ANO10: variants seen among roughly 807,000 people sequenced by gnomAD.
ANO10 encodes anoctamin 10.
A neutral mutation model predicts 74.7 loss-of-function variants in ANO10; 77 were observed. That is an observed-to-expected ratio of 1.03 (90% CI 0.86 to 1.25). ANO10 has a LOEUF of 1.25. Ranked by LOEUF, ANO10 falls within the 50% of genes most tolerant of loss-of-function variation. The pLI, the probability that ANO10 is intolerant of heterozygous loss-of-function variation, is 0.00. For synonymous variants in ANO10, 279 were observed against 284.9 expected, an observed-to-expected ratio of 0.98 and a Z score of 0.21; for missense variants, 721 against 778.1, an observed-to-expected ratio of 0.93 and a Z score of 0.87.
At chr3:43,401,192 A>C (rs2148869948) in intron 12 of ANO10, among the ~76,000 whole-genome samples, 1 of 152,266 alleles carries the variant, frequency 6.6e-6, no homozygotes, top group South Asian at 2.1e-4. Context: ...TTCCTAAGTA[A>C]GACAGAATGG....
At chr3:43,668,439 A>AT (rs529167945) in intron 1 of ANO10, among the ~76,000 whole-genome samples, 15 of 151,978 alleles carry the variant, frequency 9.9e-5, no homozygotes, top group African/African-American at 3.6e-4. Flanking sequence ...ATTAGGTTCC[A>AT]TTTTTTAATT....
intron 11 of ANO10, among the ~76,000 whole-genome samples, chr3:43,493,415 T>TA (rs113585045): frequency 2.5e-4 from 37 of 146,862 alleles, no homozygotes; most frequent in Middle Eastern, 3.5e-3. Context: ...AAGTATAATT[T>TA]AAAAAAAAAA....
At chr3:43,564,192 C>T (rs928975933) in intron 8 of ANO10, among the ~76,000 whole-genome samples, 4 of 151,930 alleles carry the variant, frequency 2.6e-5, no homozygotes, top group Non-Finnish European at 4.4e-5. Context: ...GCTACCACAC[C>T]CAGGTAACTT....
chr3:43,595,598 G>A (rs2082037380), intron 4 of ANO10, among the ~76,000 whole-genome samples: 1 of 152,152 alleles, frequency 6.6e-6, no homozygotes. Flanking sequence ...ATTAGGTACT[G>A]ATGGGATGTA....
At chr3:43,648,668 G>A (rs2083752559) in intron 1 of ANO10, among the ~76,000 whole-genome samples, 1 of 144,524 alleles carries the variant, frequency 6.9e-6, no homozygotes, top group African/African-American at 2.6e-5. Flanking sequence ...GTGGGTTTTA[G>A]CCCGCTTTTT....
chr3:43,462,264 T>A (rs191110303), intron 11 of ANO10, among the ~76,000 whole-genome samples: 238 of 152,252 alleles, frequency 1.6e-3, no homozygotes, highest in African/African-American at 5.5e-3. Flanking sequence ...AGGTTTGCTC[T>A]TGTCACCCAG....
chr3:43,425,529 A>G (rs1018126848), intron 12 of ANO10, among the ~76,000 whole-genome samples: 7 of 152,188 alleles, frequency 4.6e-5, no homozygotes, highest in African/African-American at 1.7e-4. Context: ...AAGGGACCTC[A>G]GAGAATCCTG....
chr3:43,596,095 G>C (rs1042903694), intron 4 of ANO10, among the ~76,000 whole-genome samples: 3 of 152,130 alleles, frequency 2.0e-5, no homozygotes, highest in African/African-American at 7.2e-5. Flanking sequence ...ACAAACCACT[G>C]CTCAATGAAA....
intron 12 of ANO10, among the ~76,000 whole-genome samples, chr3:43,403,577 C>T (rs17075705): frequency 0.06 from 9,110 of 152,236 alleles, 366 homozygotes; most frequent in Admixed American, 0.11. Flanking sequence ...CAGGGGAAAG[C>T]TGTGGAGCTG....
At chr3:43,399,723 G>A (rs2092445923) in intron 12 of ANO10, among the ~76,000 whole-genome samples, 1 of 152,148 alleles carries the variant, frequency 6.6e-6, no homozygotes, top group Admixed American at 6.5e-5. Flanking sequence ...GCAAGTGGCA[G>A]GCAAATTATC....
At chr3:43,686,293 CT>C (rs1167044232) in intron 1 of ANO10, among the ~76,000 whole-genome samples, 1 of 151,306 alleles carries the variant, frequency 6.6e-6, no homozygotes, top group South Asian at 2.1e-4. Context: ...AACTTTTATT[CT>C]TTTTTTTTGG....
At chr3:43,592,264 C>G (rs554255406) in intron 4 of ANO10, among the ~76,000 whole-genome samples, 1 of 152,190 alleles carries the variant, frequency 6.6e-6, no homozygotes, top group Non-Finnish European at 1.5e-5. Flanking sequence ...TCTCCCAGCA[C>G]GCAGCTGGAG....
chr3:43,603,352 T>C (rs1020401897), intron 2 of ANO10, among the ~76,000 whole-genome samples: 11 of 152,142 alleles, frequency 7.2e-5, no homozygotes, highest in Admixed American at 6.6e-4. Flanking sequence ...ACTAGTCCTT[T>C]AATTTTCTTA....
At chr3:43,600,342 T>G (rs1427064549) in intron 3 of ANO10, 42 bp downstream of exon 3, 3 of 1,607,336 alleles carry the variant, frequency 1.9e-6, no homozygotes, top group Non-Finnish European at 1.7e-6. Context: ...AACTTCTTTT[T>G]GATAAATGGA....
At chr3:43,688,340 C>T (rs9681141) in intron 1 of ANO10, among the ~76,000 whole-genome samples, 1,863 of 152,202 alleles carry the variant, frequency 0.012, 33 homozygotes, top group African/African-American at 0.033. Context: ...AACAGACACT[C>T]TGAGAGGTGG....
At chr3:43,534,636 C>T (rs1178309310) in intron 11 of ANO10, among the ~76,000 whole-genome samples, 1 of 152,146 alleles carries the variant, frequency 6.6e-6, no homozygotes, top group Non-Finnish European at 1.5e-5. Context: ...GGGTGAAAGC[C>T]ACCTCTCTGC....
At chr3:43,400,882 G>A (rs1346237393) in intron 12 of ANO10, among the ~76,000 whole-genome samples, 1 of 152,170 alleles carries the variant, frequency 6.6e-6, no homozygotes, top group Non-Finnish European at 1.5e-5. Flanking sequence ...GGGATTGAGG[G>A]ATGCTATAAG....
At chr3:43,670,178 T>C (rs895370756) in intron 1 of ANO10, among the ~76,000 whole-genome samples, 1 of 151,910 alleles carries the variant, frequency 6.6e-6, no homozygotes, top group Admixed American at 6.6e-5. Flanking sequence ...CATAGTGAGA[T>C]CCCATCTCTA....
intron 12 of ANO10, among the ~76,000 whole-genome samples, chr3:43,413,179 G>C (rs745875849): frequency 3.3e-5 from 5 of 152,148 alleles, no homozygotes; most frequent in African/African-American, 4.8e-5. Flanking sequence ...CTCTCTGCCT[G>C]TGTCTATGGA....
Sources: gnomAD v4.1 joint callset for allele counts (sites outside exome capture counted in the v4.1 genomes callset) on GRCh38, gnomAD v4.1.1 for gene constraint, MANE v1.5 for transcripts, NCBI Gene and HGNC (gene_info 2026-07-23, HGNC 2026-07-21) for gene names.